The following CFAP157 variants were observed in gnomAD, a reference collection of about 807,000 sequenced individuals.
CFAP157 encodes the protein cilia and flagella associated protein 157.
Under a neutral mutation model 57.8 loss-of-function variants are expected in CFAP157, and 43 were observed. The observed-to-expected ratio is 0.74, with a 90% confidence interval of 0.58 to 0.96. The LOEUF (loss-of-function observed/expected upper bound fraction) is 0.96. CFAP157 is among the 40% of genes least tolerant of loss of function. The probability of loss-of-function intolerance (pLI) is 0.00; values close to 1 mark genes in which losing one functional copy is unlikely to be tolerated. For synonymous variants in CFAP157, 267 were observed against 269.0 expected (o/e 0.99, Z 0.07); for missense variants, 606 against 655.3 (o/e 0.92, Z 0.82).
intron 1 of CFAP157, among the ~76,000 whole-genome samples, chr9:127,708,714 A>G (rs1249378604): frequency 6.6e-6 from 1 of 152,210 alleles, no homozygotes; most frequent in African/African-American, 2.4e-5. Context: ...GAGGAGAGGG[A>G]CATGTTACTA....
In CFAP157 at chr9:127,715,459, T is replaced by C. The variant is rs1295653832; in HGVS notation, c.*1554T>C. 2.5e-6 allele frequency: 4 copies of C among 1,575,272 alleles called. No individual in the cohort carries two copies. The highest frequency in any genetic ancestry group is 1.4e-5 in the African/African-American group (1 of 73,926). The stretch of plus-strand genomic sequence containing the variant: ...CCAGTTAAGAAAACAGAGCAGCAAT[T>C]TGGGGGCACTCGGCTCCCGGGACAT... On this transcript the variant is annotated 3_prime_UTR_variant, in exon 9 of 9. Transcript: ENST00000373295. This position sits in a 1 kb window ranked among gnomAD's most constrained non-coding sequence, Gnocchi z 5.8.
rs377467937 is a variant in CFAP157, at chr9:127,711,548, G to A, written c.855+52G>A. 6.8e-4 allele frequency: 1,076 copies of A among 1,574,448 alleles called. 3 individuals carry two copies. Among genetic ancestry groups the A allele is most frequent in the Middle Eastern group, 5.0e-3 (23 of 4,642 alleles). ...CATTTGGCATGCAAGGCAGGAGGCCGCCCTGGGGGCCCTGCAGGGGTAGAG... is the reference window on the plus strand; with the variant it reads ...CATTTGGCATGCAAGGCAGGAGGCCACCCTGGGGGCCCTGCAGGGGTAGAG... On this transcript the variant is annotated intron_variant, in intron 4 of 8. Transcript: ENST00000373295.
rs768925730 is a variant in CFAP157, at chr9:127,713,948, TCA to T, written c.*46_*47del. 1 of 1,593,900 alleles carries T rather than the reference TCA, an allele frequency of 6.3e-7. No homozygotes were observed. Among genetic ancestry groups the T allele is most frequent in the South Asian group, 1.1e-5 (1 of 90,594 alleles). On this transcript the variant is annotated 3_prime_UTR_variant, in exon 9 of 9. Coordinates refer to ENST00000373295, the MANE Select transcript of CFAP157 (RefSeq NM_001012502.3). ...CTACTCCAGAAATGGACTGGTCCAG[TCA>T]CAGTCACCCCCACTTTAATCCGCAG... is the stretch of plus-strand genomic sequence containing the variant.
Position 127,714,824 on chromosome 9 carries a change from C to A in CFAP157, c.*919C>A. ...CACATATAAAGAAACTGAGGCCCCC[C>A]GAAGTACCCAAAGCCATGCAGCAAC... On this transcript the variant is annotated 3_prime_UTR_variant, in exon 9 of 9. Transcript: ENST00000373295. 9.3e-7 allele frequency: 1 copy of A among 1,072,732 alleles called. No homozygotes were observed. The highest frequency in any genetic ancestry group is 1.4e-6 in the Non-Finnish European group (1 of 730,050). 66.5% of individuals were successfully genotyped at this position (1,072,732 alleles called of 1,614,324 possible).
At position 127,709,126 on chromosome 9, in the gene CFAP157, A is replaced by G. The variant is rs530740315; in HGVS notation, c.162-296A>G. On this transcript the variant is annotated intron_variant, in intron 1 of 8. Transcript: ENST00000373295. The surrounding 1 kb of genome is among the most constrained non-coding windows in gnomAD (Gnocchi z 4.7). ...TAATGATTTAACAAACACACTGCAC[A>G]CCTGCTATCTGCCAGGCACAGGTGT... is the stretch of plus-strand genomic sequence containing the variant. Among the ~76,000 whole-genome samples, 1 of 152,352 alleles carries G rather than the reference A, an allele frequency of 6.6e-6. No homozygotes were observed. The highest frequency in any genetic ancestry group is 2.4e-5 in the African/African-American group (1 of 41,574).
chr9:127,713,070 C>G lies in CFAP157; in HGVS notation c.1355C>G (p.Ser452Cys). 1 of 1,613,998 alleles carries G rather than the reference C, an allele frequency of 6.2e-7. No individual in the cohort carries two copies. Among genetic ancestry groups the G allele is most frequent in the South Asian group, 1.1e-5 (1 of 91,026 alleles). Residue 452 changes from serine to cysteine, a missense_variant, in exon 8 of 9, where the codon TCT becomes TGT. Coordinates refer to ENST00000373295, the MANE Select transcript of CFAP157 (RefSeq NM_001012502.3). ...ACTGGGTCTCTGCTGCCGCAGCTCT[C>G]TGACATCACCCCCTACCAGCCGGGG... ...PRTGSLLPQL[S>C]DITPYQPGDL...
Position 127,714,122 on chromosome 9 carries a change from T to C in CFAP157, c.*217T>C, listed in dbSNP as rs1341652822. 1.9e-6 allele frequency: 3 copies of C among 1,613,254 alleles called. No individual in the cohort carries two copies. Among genetic ancestry groups the C allele is most frequent in the Non-Finnish European group, 2.5e-6 (3 of 1,179,754 alleles). ...GTGTCACGGCCCCAGTGAGGGCCCC[T>C]GGCTTCGCTCACGGATGTGGTCCAA... On this transcript the variant is annotated 3_prime_UTR_variant, in exon 9 of 9. Transcript: ENST00000373295.
intron 1 of CFAP157, among the ~76,000 whole-genome samples, chr9:127,708,313 C>T (rs1588388941): frequency 6.6e-6 from 1 of 152,064 alleles, no homozygotes; most frequent in Non-Finnish European, 1.5e-5. Context: ...CCAGTCTCTA[C>T]TAAAAATACA....
At position 127,711,866 on chromosome 9, in the gene CFAP157, C is replaced by T; in HGVS notation, c.902C>T (p.Thr301Ile). The part of the protein sequence containing the change: ...TKKCQEQQQD[T>I]KEAEELRLLL... ...AAGTGCCAGGAGCAGCAGCAGGACA[C>T]CAAGGAGGCCGAGGAGCTGCGCCTC... The change falls in exon 5 of 9, where the codon ACC (threonine) becomes ATC (isoleucine). Residue 301 changes from threonine to isoleucine, a missense_variant. Transcript: ENST00000373295. 1.9e-6 allele frequency: 3 copies of T among 1,584,638 alleles called. No individual in the cohort carries two copies. Among genetic ancestry groups the T allele is most frequent in the South Asian group, 2.3e-5 (2 of 86,624 alleles).
rs765670831 is a variant in CFAP157, at chr9:127,711,217, C to T, written c.588-12C>T. 8.7e-6 allele frequency: 14 copies of T among 1,611,974 alleles called. No individual in the cohort carries two copies. Among genetic ancestry groups the T allele is most frequent in the African/African-American group, 1.3e-5 (1 of 74,912 alleles). ...TCTGTCTGACCCCTTCCCCTCCCAC[C>T]TTTCTGGCCAGACTGAGGAAAGAGA... is the stretch of plus-strand genomic sequence containing the variant. On this transcript the variant is annotated splice_polypyrimidine_tract_variant and intron_variant, in intron 3 of 8. Transcript: ENST00000373295.
rs774061547 is a variant in CFAP157, at chr9:127,711,870, G to C, written c.906G>C (p.Lys302Asn). 5 of 1,586,616 alleles carry C rather than the reference G, an allele frequency of 3.2e-6. No homozygotes were observed. Among genetic ancestry groups the C allele is most frequent in the Non-Finnish European group, 4.3e-6 (5 of 1,167,512 alleles). ...KKCQEQQQDT[K>N]EAEELRLLLS... The stretch of plus-strand genomic sequence containing the variant: ...GCCAGGAGCAGCAGCAGGACACCAA[G>C]GAGGCCGAGGAGCTGCGCCTCCTGC... Residue 302 changes from lysine (K) to asparagine (N), a missense_variant, in exon 5 of 9, where the codon AAG (lysine) becomes AAC (asparagine). Coordinates refer to ENST00000373295, the MANE Select transcript of CFAP157 (RefSeq NM_001012502.3).
chr9:127,715,699 T>C lies in CFAP157; in HGVS notation c.*1794T>C, dbSNP rs1282036590. 1.3e-6 allele frequency: 2 copies of C among 1,573,220 alleles called. No homozygotes were observed. On this transcript the variant is annotated 3_prime_UTR_variant, in exon 9 of 9. Transcript: ENST00000373295. This position sits in a 1 kb window ranked among gnomAD's most constrained non-coding sequence, Gnocchi z 5.8. ...GTCATCACCCCGCAGCAGCCAATCG[T>C]GTTGCCAACTGTTTGGCGTCCACCG...
At chr9:127,711,781 G>A (rs907757838) in intron 4 of CFAP157, 39 bp from the exon 5 acceptor site, 47 of 1,543,092 alleles carry the variant, frequency 3.0e-5, no homozygotes, top group Non-Finnish European at 3.9e-5. Context: ...CTGGGGGACA[G>A]GGCAGGCTGA....
In CFAP157 at chr9:127,714,945, G is replaced by GC; in HGVS notation, c.*1043dup. 1 of 345,142 alleles carries GC rather than the reference G, an allele frequency of 2.9e-6. No individual in the cohort carries two copies. The highest frequency in any genetic ancestry group is 4.6e-6 in the Non-Finnish European group (1 of 218,924). The allele number at this position is 345,142 out of a possible 1,614,324, so 21.4% of individuals were successfully genotyped here. On this transcript the variant is annotated 3_prime_UTR_variant, in exon 9 of 9. Coordinates refer to ENST00000373295, the MANE Select transcript of CFAP157 (RefSeq NM_001012502.3). ...GCCCCAACCCCCACCCCCTTGGCCC[G>GC]CCCGCCCACCCCTGGCGCTCTCAAC...
rs1564364214 is a variant in CFAP157, at chr9:127,707,182, C to T, written c.151C>T (p.Arg51Trp). The change falls in exon 1 of 9, where the codon CGG (arginine) becomes TGG (tryptophan). Residue 51 changes from arginine (R) to tryptophan (W), a missense_variant. Arg to Trp is a moderately radical substitution (Grantham distance 101). Coordinates refer to ENST00000373295, the MANE Select transcript of CFAP157 (RefSeq NM_001012502.3). ...YHIQIRDLED[R>W]LARYQRKWDE... ...CATCCAGATCCGAGACCTGGAGGAC[C>T]GGCTAGCCCGGTGCGTGGGCTGGCG... 24 of 1,611,654 alleles carry T rather than the reference C, an allele frequency of 1.5e-5. No homozygotes were observed. The highest frequency in any genetic ancestry group is 1.9e-5 in the Non-Finnish European group (23 of 1,179,562).
chr9:127,713,688 G>A (rs1267454247), intron 8 of CFAP157, 146 bp from the exon 9 acceptor site: 5 of 585,274 alleles, frequency 8.5e-6, no homozygotes, highest in Non-Finnish European at 1.5e-5. Context: ...TGTATTTTTA[G>A]TAGAGACAGG....
Position 127,712,765 on chromosome 9 carries a change from G to A in CFAP157, c.1194G>A (p.Lys398=), listed in dbSNP as rs573445451. The A allele has an allele frequency of 2.5e-6, 4 of 1,614,188 alleles. No individual in the cohort carries two copies. The East Asian group carries it at 8.9e-5, about 36-fold the overall frequency. The part of the protein sequence containing the change: ...DVDVTFQPWH[K]EMLQQLLVML... The stretch of plus-strand genomic sequence containing the variant: ...ACGTGACGTTCCAGCCATGGCACAA[G>A]GAGATGCTGCAGCAACTGCTGGTCA... The change falls in exon 7 of 9, where the codon AAG becomes AAA. Residue 398 remains lysine, a synonymous_variant. Coordinates refer to ENST00000373295, the MANE Select transcript of CFAP157 (RefSeq NM_001012502.3).
chr9:127,713,968 A>G lies in CFAP157; in HGVS notation c.*63A>G, dbSNP rs1171252436. 1 of 1,581,384 alleles carries G rather than the reference A, an allele frequency of 6.3e-7. No individual in the cohort carries two copies. Among genetic ancestry groups the G allele is most frequent in the Non-Finnish European group, 8.7e-7 (1 of 1,150,808 alleles). ...TCCAGTCACAGTCACCCCCACTTTA[A>G]TCCGCAGGCAGCCTGGAACAGTCTA... is the stretch of plus-strand genomic sequence containing the variant. On this transcript the variant is annotated 3_prime_UTR_variant, in exon 9 of 9. Coordinates refer to ENST00000373295, the MANE Select transcript of CFAP157 (RefSeq NM_001012502.3).
rs975957180 is a variant in CFAP157, at chr9:127,713,861, C to T, written c.1519C>T (p.Leu507Phe). The part of the protein sequence containing the change: ...EMRAPGSLKR[L>F]EKFSLPEVPL... ...GCGTGCCCCTGGTTCTCTAAAAAGG[C>T]TTGAAAAGTTTAGTCTTCCTGAAGT... Residue 507 changes from leucine (L) to phenylalanine (F), a missense_variant, in exon 9 of 9, where the codon CTT becomes TTT. By Grantham distance (22) the Leu-to-Phe change is conservative. Coordinates refer to ENST00000373295, the MANE Select transcript of CFAP157 (RefSeq NM_001012502.3). 1.2e-6 allele frequency: 2 copies of T among 1,613,798 alleles called. No individual in the cohort carries two copies. The highest frequency in any genetic ancestry group is 1.3e-5 in the African/African-American group (1 of 74,914).
Sources: gnomAD v4.1 joint callset for allele counts (sites outside exome capture counted in the v4.1 genomes callset) on GRCh38, gnomAD v4.1.1 for gene constraint, Gnocchi (gnomAD v3.1) non-coding constraint, MANE v1.5 for transcripts, NCBI Gene and HGNC (gene_info 2026-07-23, HGNC 2026-07-21) for gene names.